LRP6: variants seen among roughly 807,000 people sequenced by gnomAD.
LRP6 encodes the protein LDL receptor related protein 6, also known as low-density lipoprotein receptor-related protein 6.
Under a neutral mutation model 184.1 loss-of-function variants are expected in LRP6, and 43 were observed. The ratio of observed to expected loss-of-function variants is 0.23; its 90% confidence interval spans 0.18 to 0.30. LRP6 has a LOEUF of 0.30. Ranked by LOEUF, LRP6 falls within the 10% of genes least tolerant of loss-of-function variation. The pLI is 1.00. For synonymous variants in LRP6, 719 were observed against 684.9 expected (o/e 1.05, Z -0.78); for missense variants, 1,571 against 2,005.3 (o/e 0.78, Z 4.14).
At chr12:12,263,389 C>T (rs1865674545) in intron 1 of LRP6, among the ~76,000 whole-genome samples, 1 of 151,228 alleles carries the variant, frequency 6.6e-6, no homozygotes, top group Admixed American at 6.6e-5. Context: ...TCCTGGCTAA[C>T]ACAGTGAAAC....
At chr12:12,215,886 C>T (rs565374604) in intron 2 of LRP6, among the ~76,000 whole-genome samples, 6 of 151,822 alleles carry the variant, frequency 4.0e-5, no homozygotes, top group African/African-American at 1.2e-4. Flanking sequence ...GTGGCGAGCA[C>T]CTGTAATCCC....
intron 15 of LRP6, 67 bp from the exon 16 acceptor site, chr12:12,138,601 T>A: frequency 1.4e-6 from 2 of 1,413,002 alleles, no homozygotes; most frequent in Non-Finnish European, 2.0e-6. Context: ...GGTAATTATT[T>A]ACTGACTACC....
intron 5 of LRP6, 21 bp downstream of exon 5, chr12:12,183,958 AT>A: frequency 1.2e-6 from 2 of 1,609,740 alleles, no homozygotes; most frequent in Middle Eastern, 1.7e-4. Context: ...AAAATTTTTC[AT>A]TTTGGATAAT....
chr12:12,147,493 C>T lies in LRP6; in HGVS notation c.3270G>A (p.Gly1090=). The part of the protein sequence containing the change: ...SPKIERAALD[G]TEREVLFFSG... ...TGAAAAAGAGGACCTCCCGTTCTGTCCCATCCAAAGCAGCCCGTTCAATTT... is the reference window on the plus strand; with the variant it reads ...TGAAAAAGAGGACCTCCCGTTCTGTTCCATCCAAAGCAGCCCGTTCAATTT... Residue 1090 remains glycine (G), a synonymous_variant, in exon 15 of 23, where the codon GGG becomes GGA. Transcript: ENST00000261349. The T allele has an allele frequency of 6.2e-7, 1 of 1,614,008 alleles. No homozygotes were observed.
At chr12:12,212,370 G>A (rs1163251154) in intron 2 of LRP6, among the ~76,000 whole-genome samples, 2 of 152,142 alleles carry the variant, frequency 1.3e-5, no homozygotes, top group Non-Finnish European at 2.9e-5. Context: ...CCAGTTATGA[G>A]CTGCTTTTCT....
At chr12:12,178,375 G>T (rs1863247331) in intron 7 of LRP6, among the ~76,000 whole-genome samples, 2 of 152,110 alleles carry the variant, frequency 1.3e-5, no homozygotes, top group Non-Finnish European at 2.9e-5. Flanking sequence ...AGCAGACTAA[G>T]ATGGGCAAAA....
At position 12,163,301 on chromosome 12, in the gene LRP6, A is replaced by G. The variant is rs545065278; in HGVS notation, c.2053-882T>C. Among the ~76,000 whole-genome samples, 4 of 152,202 alleles carry G rather than the reference A, an allele frequency of 2.6e-5. No individual in the cohort carries two copies. In the South Asian group the frequency reaches 8.3e-4, roughly 32 times the overall value. On this transcript the variant is annotated intron_variant, in intron 9 of 22. Transcript: ENST00000261349. ...CACCCCCCATTTTCAAGATGAGGAA[A>G]TTTAGAACATCACCCAATGCAAACC...
chr12:12,207,771 T>TG (rs1864106337), intron 2 of LRP6, among the ~76,000 whole-genome samples: 1 of 152,124 alleles, frequency 6.6e-6, no homozygotes, highest in African/African-American at 2.4e-5. Context: ...TGGCTGAACA[T>TG]GGGTCAAATT....
rs978002273 is a variant in LRP6 at position 12,126,775 on chromosome 12, T to C, written c.4228A>G (p.Thr1410Ala). The C allele has an allele frequency of 6.2e-7, 1 of 1,614,108 alleles. No homozygotes were observed. Among genetic ancestry groups the C allele is most frequent in the African/African-American group, 1.3e-5 (1 of 75,052 alleles). The change falls in exon 20 of 23, where the codon ACT becomes GCT. Residue 1410 changes from threonine (T) to alanine (A), a missense_variant. Transcript: ENST00000261349. The stretch of plus-strand genomic sequence containing the variant: ...GGTCCATGAACTACATAGTCATTAG[T>C]CATAGTTTCCCCATCTCCCTTCATA... ...PRMKGDGETM[T>A]NDYVVHGPAS... is the part of the protein sequence containing the mutation.
intron 22 of LRP6, among the ~76,000 whole-genome samples, chr12:12,122,080 T>C (rs1466640867): frequency 6.6e-6 from 1 of 152,200 alleles, no homozygotes; most frequent in African/African-American, 2.4e-5. Context: ...AATGATAAAA[T>C]TTAAATGCCC....
At chr12:12,216,029 T>C (rs973757150) in intron 2 of LRP6, among the ~76,000 whole-genome samples, 2 of 152,068 alleles carry the variant, frequency 1.3e-5, no homozygotes, top group Non-Finnish European at 2.9e-5. Flanking sequence ...ATAATAATAA[T>C]GATCTATTTG....
chr12:12,134,945 C>G (rs538607727), intron 17 of LRP6, among the ~76,000 whole-genome samples: 1 of 152,010 alleles, frequency 6.6e-6, no homozygotes, highest in Non-Finnish European at 1.5e-5. Context: ...TGATCTCACA[C>G]GTGGAGTGTA....
chr12:12,139,445 C>T (rs139637851), intron 15 of LRP6, among the ~76,000 whole-genome samples: 31 of 152,256 alleles, frequency 2.0e-4, no homozygotes, highest in African/African-American at 6.5e-4. Context: ...AATTTTAGGC[C>T]GGGTGCAGTG....
intron 1 of LRP6, among the ~76,000 whole-genome samples, chr12:12,246,758 T>A (rs1041897617): frequency 1.3e-5 from 2 of 152,112 alleles, no homozygotes; most frequent in East Asian, 1.9e-4. Context: ...AACTGTGTCA[T>A]CTGAAGCCAA....
Position 12,150,978 on chromosome 12 carries a change from T to C in LRP6, c.2852A>G (p.Glu951Gly). The change falls in exon 13 of 23, where the codon GAA (glutamate) becomes GGA (glycine). Residue 951 changes from glutamate (E) to glycine (G), a missense_variant. By Grantham distance (98) the Glu-to-Gly change is moderately conservative (BLOSUM62 -2). Around this residue, in one of 4 missense-constraint regions of LRP6, gnomAD observed 763 missense variants for 859.5 expected, o/e 0.89. Transcript: ENST00000261349. ...KSAINRMVID[E>G]QQSPDIILPI... ...AAGGATGATGTCGGGGCTCTGTTGT[T>C]CATCAATCACCATGCGGTTGATGGC... The C allele has an allele frequency of 1.2e-6, 2 of 1,614,134 alleles. No homozygotes were observed. The highest frequency in any genetic ancestry group is 1.7e-6 in the Non-Finnish European group (2 of 1,180,004).
chr12:12,152,164 AG>A (rs1409948608), intron 12 of LRP6, among the ~76,000 whole-genome samples: 1 of 152,070 alleles, frequency 6.6e-6, no homozygotes, highest in Non-Finnish European at 1.5e-5. Context: ...TGAGATCTGA[AG>A]GGGTTCCCAC....
Position 12,133,845 on chromosome 12 carries a change from T to TTTG in LRP6, c.3733+1329_3733+1330insCAA, listed in dbSNP as rs765444240. Among the ~76,000 whole-genome samples the TTTG allele has an allele frequency of 5.0e-4, 20 of 39,956 alleles. 4 individuals are homozygous for TTTG. The highest frequency in any genetic ancestry group is 1.3e-3 in the East Asian group (1 of 764). 26.2% of individuals were successfully genotyped at this position (39,956 alleles called of 152,430 possible). A position where few individuals can be genotyped will look rare whatever the true frequency, so the allele number is the denominator to read the frequency against. On this transcript the variant is annotated intron_variant, in intron 17 of 22. Transcript: ENST00000261349. ...TGATAGGGAAACACATGCTATTTTTTGGGGGGGGGGGGGGGGGAGGGTAAA... is the reference window on the plus strand; with the variant it reads ...TGATAGGGAAACACATGCTATTTTTTTTGGGGGGGGGGGGGGGGGGAGGGTAAA...
At position 12,252,481 on chromosome 12, in the gene LRP6, A is replaced by G. The variant is rs114922921; in HGVS notation, c.56-7826T>C. ...CCCTAAGTTTAAGTTAAATTTGTAT[A>G]GGTAAAATGTTATTAATAGGGATAT... On this transcript the variant is annotated intron_variant, in intron 1 of 22. Coordinates refer to ENST00000261349, the MANE Select transcript of LRP6 (RefSeq NM_002336.3). 3.1e-3 allele frequency among the ~76,000 whole-genome samples: 465 copies of G among 152,344 alleles called. 3 individuals carry two copies. The highest frequency in any genetic ancestry group is 0.011 in the African/African-American group (438 of 41,574).
intron 1 of LRP6, among the ~76,000 whole-genome samples, chr12:12,256,713 T>A (rs935116694): frequency 1.3e-5 from 2 of 151,710 alleles, no homozygotes; most frequent in Non-Finnish European, 2.9e-5. Context: ...GGCTGAGGCA[T>A]GAGAATCACT....
Sources: gnomAD v4.1 joint callset for allele counts (sites outside exome capture counted in the v4.1 genomes callset) on GRCh38, gnomAD v4.1.1 for gene constraint, gnomAD v4.1.1 regional missense constraint, MANE v1.5 for transcripts, NCBI Gene and HGNC (gene_info 2026-07-23, HGNC 2026-07-21) for gene names.